STAM: variants seen among roughly 807,000 people sequenced by gnomAD.
The protein encoded by STAM is signal transducing adaptor molecule.
STAM carries 16 observed loss-of-function variants against 63.4 expected under a neutral mutation model. The observed-to-expected ratio is 0.25, with a 90% CI of 0.17 to 0.38. The LOEUF is 0.38. Ranked by LOEUF, STAM falls within the 10% of genes least tolerant of loss-of-function variation. The pLI is 1.00. For missense variants in STAM, 636 were observed against 657.1 expected (o/e 0.97, Z 0.35); for synonymous variants, 238 against 223.9 (o/e 1.06, Z -0.56).
At position 17,715,469 on chromosome 10, in the gene STAM, C is replaced by T. The variant is rs1333553889; in HGVS notation, c.*689C>T. The T allele has an allele frequency of 2.6e-5, 4 of 152,142 alleles. No homozygotes were observed. The highest frequency in any genetic ancestry group is 5.9e-5 in the Non-Finnish European group (4 of 68,032). The allele number at this position is 152,142 out of a possible 1,614,324, so 9.4% of individuals were successfully genotyped here. A position where few individuals can be genotyped will look rare whatever the true frequency, so the allele number is the denominator to read the frequency against. On this transcript the variant is annotated 3_prime_UTR_variant, in exon 14 of 14. Transcript: ENST00000377524. Reference sequence around the variant, plus strand: ...CTGCATACTACTGGCTGTCATCACACCAGCGTACAGTAGCTAAATTTTTGG... The same window carrying T: ...CTGCATACTACTGGCTGTCATCACATCAGCGTACAGTAGCTAAATTTTTGG...
chr10:17,683,377 G>C (rs956075008), intron 2 of STAM, among the ~76,000 whole-genome samples: 1 of 152,000 alleles, frequency 6.6e-6, no homozygotes, highest in South Asian at 2.1e-4. Context: ...GCCCAGGCTG[G>C]TCCCAAACTT....
chr10:17,687,656 A>C (rs1278666075), intron 4 of STAM, among the ~76,000 whole-genome samples: 5 of 152,226 alleles, frequency 3.3e-5, no homozygotes, highest in Admixed American at 3.3e-4. Flanking sequence ...GAAGTCAGGA[A>C]TTTGGAATAA....
chr10:17,691,996 C>T (rs1835557175), intron 5 of STAM, among the ~76,000 whole-genome samples: 1 of 152,156 alleles, frequency 6.6e-6, no homozygotes. Flanking sequence ...ATGTTACATA[C>T]TTTTTGTTTT....
At chr10:17,712,546 C>G (rs1554830192) in intron 13 of STAM, among the ~76,000 whole-genome samples, 1 of 152,116 alleles carries the variant, frequency 6.6e-6, no homozygotes, top group Non-Finnish European at 1.5e-5. Context: ...CACTGAATTT[C>G]CCAACAATAG....
chr10:17,700,534 A>T (rs1554828244), intron 9 of STAM, among the ~76,000 whole-genome samples: 2 of 151,630 alleles, frequency 1.3e-5, no homozygotes, highest in Non-Finnish European at 2.9e-5. Context: ...TGATTTATTT[A>T]ATCTATTGTT....
chr10:17,657,089 C>G (rs563685022), intron 1 of STAM, among the ~76,000 whole-genome samples: 2 of 152,086 alleles, frequency 1.3e-5, no homozygotes, highest in African/African-American at 4.8e-5. Context: ...CCAGGAAGGT[C>G]GTATACTGCC....
intron 2 of STAM, among the ~76,000 whole-genome samples, chr10:17,680,575 TTAA>T (rs782702677): frequency 6.6e-6 from 1 of 152,038 alleles, no homozygotes; most frequent in Non-Finnish European, 1.5e-5. Flanking sequence ...CTAGATAATT[TTAA>T]AAATTTCTTG....
intron 2 of STAM, among the ~76,000 whole-genome samples, chr10:17,662,161 T>C (rs146957897): frequency 1.2e-3 from 190 of 152,250 alleles, no homozygotes; most frequent in African/African-American, 4.4e-3. Flanking sequence ...TCCCCTACCT[T>C]CCATACTGAG....
intron 7 of STAM, 46 bp from the exon 8 acceptor site, chr10:17,696,729 A>T (rs782473176): frequency 7.3e-7 from 1 of 1,372,254 alleles, no homozygotes; most frequent in African/African-American, 1.4e-5. Context: ...ATGTACAGAA[A>T]TAAATACATT....
At chr10:17,644,797 C>A (rs1311038678) in intron 1 of STAM, among the ~76,000 whole-genome samples, 1 of 152,148 alleles carries the variant, frequency 6.6e-6, no homozygotes, top group African/African-American at 2.4e-5. Flanking sequence ...CTGGAACTGG[C>A]AGAATGTTTT....
At chr10:17,650,332 C>T (rs536123340) in intron 1 of STAM, among the ~76,000 whole-genome samples, 42 of 152,292 alleles carry the variant, frequency 2.8e-4, no homozygotes, top group African/African-American at 9.1e-4. Flanking sequence ...ATACATCATG[C>T]GGATGCTATG....
intron 1 of STAM, among the ~76,000 whole-genome samples, chr10:17,648,755 A>G (rs975895691): frequency 2.6e-5 from 4 of 152,240 alleles, no homozygotes; most frequent in Non-Finnish European, 5.9e-5. Context: ...GTTCTCATTT[A>G]CAAAGGTCAG....
intron 12 of STAM, 66 bp from the exon 13 acceptor site, chr10:17,708,710 C>A: frequency 6.9e-7 from 1 of 1,451,246 alleles, no homozygotes; most frequent in Non-Finnish European, 9.3e-7. Context: ...AATACCTCTA[C>A]AGAGAAAGTT....
intron 1 of STAM, among the ~76,000 whole-genome samples, chr10:17,649,443 C>G (rs1833652120): frequency 1.3e-5 from 2 of 150,710 alleles, no homozygotes; most frequent in Admixed American, 1.3e-4. Context: ...CCCTCTCACT[C>G]TGTTTCTTTG....
intron 1 of STAM, 145 bp from the exon 2 acceptor site, chr10:17,660,319 G>C (rs1348897540): frequency 2.0e-6 from 1 of 502,186 alleles, no homozygotes; most frequent in Non-Finnish European, 3.5e-6. Context: ...TTTCAAGATG[G>C]CCATGAAAAT....
intron 4 of STAM, among the ~76,000 whole-genome samples, chr10:17,685,575 G>A (rs1208680464): frequency 1.3e-5 from 2 of 152,144 alleles, no homozygotes. Context: ...AAGGAATTTG[G>A]CTCAGGGTTG....
intron 5 of STAM, among the ~76,000 whole-genome samples, chr10:17,690,716 TC>T (rs1554826670): frequency 6.6e-6 from 1 of 152,214 alleles, no homozygotes; most frequent in Non-Finnish European, 1.5e-5. Context: ...TATATTTTTT[TC>T]ATCTGAGTAC....
rs116827403 is a variant in STAM at position 17,709,682 on chromosome 10, C to T, written c.1385+731C>T. ...GAAGTTACGACATTCTAGCTGGCAACAGAAGTTTCTAGGTAGCACAGGCAC... is the reference window on the plus strand; with the variant it reads ...GAAGTTACGACATTCTAGCTGGCAATAGAAGTTTCTAGGTAGCACAGGCAC... On this transcript the variant is annotated intron_variant, in intron 13 of 13. Transcript: ENST00000377524. Among the ~76,000 whole-genome samples the T allele has an allele frequency of 4.6e-3, 694 of 152,094 alleles. 6 individuals carry two copies. The highest frequency in any genetic ancestry group is 0.016 in the African/African-American group (671 of 41,470).
chr10:17,679,334 T>A lies in STAM; in HGVS notation c.126-5341T>A, dbSNP rs190454010. 2.6e-5 allele frequency among the ~76,000 whole-genome samples: 4 copies of A among 152,326 alleles called. No homozygotes were observed. The East Asian group carries it at 5.8e-4, about 22-fold the overall frequency. ...ATTGCTAGCGATGTTGAGCATTTGT[T>A]ATGTGCTTATTGGCCCTTTGTGTAT... is the stretch of plus-strand genomic sequence containing the variant. On this transcript the variant is annotated intron_variant, in intron 2 of 13. Transcript: ENST00000377524.
Sources: allele counts gnomAD v4.1 joint callset (sites outside exome capture counted in the v4.1 genomes callset), GRCh38; gene constraint gnomAD v4.1.1; transcripts MANE v1.5; gene names NCBI Gene and HGNC (gene_info 2026-07-23, HGNC 2026-07-21).